Variants in ZFHX3 observed in about 807,000 individuals in gnomAD.
The protein encoded by ZFHX3 is zinc finger homeobox protein 3.
Under a neutral mutation model 279.1 loss-of-function variants are expected in ZFHX3, and 42 were observed. That is an observed-to-expected ratio of 0.15 (90% CI 0.12 to 0.19). The LOEUF (loss-of-function observed/expected upper bound fraction) is 0.19, where lower values mean the gene tolerates loss of function less well. Among genes scored for constraint, ZFHX3 ranks in the 10% least tolerant of loss-of-function variants. ZFHX3 has a pLI of 1.00. For synonymous variants in ZFHX3, 2,293 were observed against 1,957.8 expected (o/e 1.17, Z -4.52); for missense variants, 4,981 against 4,754.0 (o/e 1.05, Z -1.40).
chr16:73,717,058 A>C (rs1028268323), intron 1 of ZFHX3, among the ~76,000 whole-genome samples: 2 of 149,582 alleles, frequency 1.3e-5, no homozygotes, highest in African/African-American at 5.1e-5. Flanking sequence ...ATAAAAGAAG[A>C]AAAGGAAATT....
chr16:73,021,344 ACTCTATGTCCTGT>A (rs1173008959), intron 1 of ZFHX3, among the ~76,000 whole-genome samples: 1 of 151,900 alleles, frequency 6.6e-6, no homozygotes, highest in African/African-American at 2.4e-5. Context: ...GTCACCCTTG[ACTCTATGTCCTGT>A]CTTGTCCCAT....
chr16:73,763,071 TCTC>T (rs2053889713), intron 1 of ZFHX3, among the ~76,000 whole-genome samples: 1 of 152,158 alleles, frequency 6.6e-6, no homozygotes. Flanking sequence ...TATTGCTTAA[TCTC>T]TTTACCTTGT....
At position 72,959,837 on chromosome 16, in the gene ZFHX3, G is replaced by A. The variant is rs577328051; in HGVS notation, c.309C>T (p.Arg103=). The change falls in exon 2 of 10, where the codon CGC becomes CGT. Residue 103 remains arginine (R), a synonymous_variant. Transcript: ENST00000268489. ...TCTCCTCTCTCAGGGGTGGCGGGGG[G>A]CGCGCGCTGGGGCAGTGGTGCTCCA... ...TYMEHHCPSA[R]PPPPLREESA... is the part of the protein sequence containing the mutation. 2 of 1,594,824 alleles carry A rather than the reference G, an allele frequency of 1.3e-6. No individual in the cohort carries two copies. Among genetic ancestry groups the A allele is most frequent in the African/African-American group, 2.7e-5 (2 of 74,730 alleles).
At chr16:73,615,918 C>T (rs1484551538) in intron 2 of ZFHX3, among the ~76,000 whole-genome samples, 2 of 152,002 alleles carry the variant, frequency 1.3e-5, no homozygotes, top group African/African-American at 2.4e-5. Flanking sequence ...TTAAACTAGC[C>T]GTATGGAAAA....
chr16:73,643,480 G>A (rs2052591397), intron 2 of ZFHX3, among the ~76,000 whole-genome samples: 1 of 152,182 alleles, frequency 6.6e-6, no homozygotes, highest in African/African-American at 2.4e-5. Flanking sequence ...ATGTGGCTAC[G>A]ATATTAGGCA....
At chr16:73,541,531 A>G (rs1047559602) in intron 2 of ZFHX3, among the ~76,000 whole-genome samples, 1 of 152,134 alleles carries the variant, frequency 6.6e-6, no homozygotes, top group African/African-American at 2.4e-5. Context: ...AAGCCATACT[A>G]TCAAACACAC....
chr16:73,544,690 G>GT (rs1346151372), intron 2 of ZFHX3, among the ~76,000 whole-genome samples: 1 of 152,142 alleles, frequency 6.6e-6, no homozygotes, highest in African/African-American at 2.4e-5. Flanking sequence ...GGGAAGGAGG[G>GT]TTTCGGCAAT....
chr16:72,963,992 C>T (rs550119771), intron 1 of ZFHX3, among the ~76,000 whole-genome samples: 1 of 152,340 alleles, frequency 6.6e-6, no homozygotes, highest in African/African-American at 2.4e-5. Context: ...AGAATAGAGG[C>T]AGTGAGAAAC....
intron 2 of ZFHX3, among the ~76,000 whole-genome samples, chr16:73,644,650 G>C (rs1182318660): frequency 1.3e-5 from 2 of 150,758 alleles, no homozygotes; most frequent in Middle Eastern, 3.4e-3. Context: ...GACAGAGCGA[G>C]ACTCTTTCTC....
chr16:72,915,515 G>A (rs774733804), intron 3 of ZFHX3, among the ~76,000 whole-genome samples: 15 of 152,068 alleles, frequency 9.9e-5, no homozygotes, highest in Non-Finnish European at 1.6e-4. Context: ...TTGTAACCCC[G>A]GCACTCCTGG....
rs759043061 is a variant in ZFHX3, at chr16:72,812,035, G to C, written c.3533C>G (p.Ser1178Trp). 6.2e-7 allele frequency: 1 copy of C among 1,613,938 alleles called. No homozygotes were observed. Among genetic ancestry groups the C allele is most frequent in the Non-Finnish European group, 8.5e-7 (1 of 1,179,950 alleles). ...CAGCTCCTTCTCTGCTTGGCTGGAC[G>C]ATGCTAAAAGAGAAAGTAGAAGATG... Reference protein sequence around the residue: ...ELAKDQEGGASSSQAEKELTD... With the variant: ...ELAKDQEGGAWSSQAEKELTD... The change falls in exon 6 of 10, where the codon TCG (serine) becomes TGG (tryptophan). Residue 1178 changes from serine to tryptophan, a missense_variant. By Grantham distance (177) the Ser-to-Trp change is radical (BLOSUM62 -3). Around this residue, in one of 7 missense-constraint regions of ZFHX3, gnomAD observed 1,751 missense variants for 1,770.0 expected, o/e 0.99. Coordinates refer to ENST00000268489, the MANE Select transcript of ZFHX3 (RefSeq NM_006885.4).
intron 3 of ZFHX3, among the ~76,000 whole-genome samples, chr16:73,375,539 A>G (rs1055639848): frequency 2.0e-5 from 3 of 152,234 alleles, no homozygotes; most frequent in Non-Finnish European, 4.4e-5. Context: ...CACTCCATAT[A>G]ATATATAACA....
At chr16:73,004,670 C>T (rs987940275) in intron 1 of ZFHX3, among the ~76,000 whole-genome samples, 12 of 152,092 alleles carry the variant, frequency 7.9e-5, no homozygotes, top group Admixed American at 1.3e-4. Context: ...ACTGTCAATT[C>T]CATGTGCTCT....
intron 1 of ZFHX3, among the ~76,000 whole-genome samples, chr16:72,985,408 C>CAAAT (rs2144553682): frequency 6.6e-6 from 1 of 152,316 alleles, no homozygotes; most frequent in East Asian, 1.9e-4. Flanking sequence ...GATCACAAAA[C>CAAAT]AAATGTGAGG....
chr16:73,880,444 C>A (rs575571676), intron 1 of ZFHX3, among the ~76,000 whole-genome samples: 42 of 152,176 alleles, frequency 2.8e-4, no homozygotes, highest in Admixed American at 2.1e-3. Flanking sequence ...CAGGATTTGA[C>A]GTAATTTGCA....
At chr16:73,803,227 C>A (rs570471984) in intron 1 of ZFHX3, among the ~76,000 whole-genome samples, 1 of 152,220 alleles carries the variant, frequency 6.6e-6, no homozygotes, top group Admixed American at 6.5e-5. Context: ...AAGAAATGTA[C>A]AAAAGATACC....
At chr16:73,694,261 T>A (rs2053175165) in intron 1 of ZFHX3, among the ~76,000 whole-genome samples, 1 of 152,260 alleles carries the variant, frequency 6.6e-6, no homozygotes, top group East Asian at 1.9e-4. Context: ...AGGCAGAGGT[T>A]GCAGTGAGCC....
At chr16:73,748,257 A>C (rs2053721804) in intron 1 of ZFHX3, among the ~76,000 whole-genome samples, 1 of 152,192 alleles carries the variant, frequency 6.6e-6, no homozygotes, top group African/African-American at 2.4e-5. Flanking sequence ...CAAACTAAAA[A>C]ACCCAAAAAC....
At chr16:73,367,121 T>C (rs1265290773) in intron 3 of ZFHX3, among the ~76,000 whole-genome samples, 1 of 152,184 alleles carries the variant, frequency 6.6e-6, no homozygotes, top group African/African-American at 2.4e-5. Context: ...ATTAGGGAAC[T>C]CTTCTGAGGA....
Sources: allele counts gnomAD v4.1 joint callset (sites outside exome capture counted in the v4.1 genomes callset), GRCh38; gene constraint gnomAD v4.1.1; regional missense constraint gnomAD v4.1.1; transcripts MANE v1.5; gene names NCBI Gene and HGNC (gene_info 2026-07-23, HGNC 2026-07-21).